The following CELF2 variants were observed in gnomAD, a reference collection of about 807,000 sequenced individuals.
CELF2 encodes the protein CUG triplet repeat RNA-binding protein 2.
Under a neutral mutation model 62.6 loss-of-function variants are expected in CELF2, and 8 were observed. The ratio of observed to expected loss-of-function variants is 0.13; its 90% CI spans 0.07 to 0.23. The LOEUF (loss-of-function observed/expected upper bound fraction) is 0.23, where lower values mean the gene tolerates loss of function less well. Among genes scored for constraint, CELF2 ranks in the 10% least tolerant of loss-of-function variants. The probability of loss-of-function intolerance (pLI) is 1.00; values close to 1 mark genes in which losing one functional copy is unlikely to be tolerated. For missense variants in CELF2, 333 were observed against 671.0 expected, an observed-to-expected ratio of 0.50 and a Z score of 5.56; for synonymous variants, 258 against 250.0, an observed-to-expected ratio of 1.03 and a Z score of -0.30.
At chr10:10,496,399 C>T in the CELF2 span, among the ~76,000 whole-genome samples, 2 of 152,264 alleles carry the variant, frequency 1.3e-5, no homozygotes, top group East Asian at 1.9e-4. Flanking sequence ...TTTCTTGCTG[C>T]ATGCCTGATC....
intron 1 of CELF2, among the ~76,000 whole-genome samples, chr10:10,859,327 C>T (rs2059926771): frequency 6.6e-6 from 1 of 152,050 alleles, no homozygotes; most frequent in African/African-American, 2.4e-5. Flanking sequence ...ACTTCTTAAT[C>T]AAAAGTGATT....
At chr10:11,284,109 CTGTG>C (rs779479619) in intron 8 of CELF2, among the ~76,000 whole-genome samples, 3 of 7,194 alleles carry the variant, frequency 4.2e-4, no homozygotes, top group Middle Eastern at 0.083. Flanking sequence ...TGATGGATGA[CTGTG>C]TGGTAGGTGG....
chr10:11,045,661 G>A (rs1218105808), intron 1 of CELF2, among the ~76,000 whole-genome samples: 1 of 152,212 alleles, frequency 6.6e-6, no homozygotes, highest in Non-Finnish European at 1.5e-5. Flanking sequence ...CTCAGGTAAA[G>A]AGTAGTAAAA....
the CELF2 span, among the ~76,000 whole-genome samples, chr10:10,660,320 A>G: frequency 2.6e-5 from 4 of 152,246 alleles, no homozygotes; most frequent in South Asian, 4.1e-4. Context: ...TGGAGGCTCA[A>G]AAAGGATAAG....
At chr10:10,552,017 CAG>C in the CELF2 span, among the ~76,000 whole-genome samples, 2 of 152,004 alleles carry the variant, frequency 1.3e-5, no homozygotes, top group Admixed American at 1.3e-4. Context: ...TGCAGAGCCC[CAG>C]AGAGGAGCAC....
the CELF2 span, among the ~76,000 whole-genome samples, chr10:10,791,352 G>A: frequency 2.0e-5 from 3 of 150,882 alleles, no homozygotes; most frequent in African/African-American, 7.3e-5. Context: ...CAAGAAACCA[G>A]TTGGAGCCGG....
chr10:10,820,567 G>C (rs1277240750), intron 1 of CELF2, among the ~76,000 whole-genome samples: 1 of 152,158 alleles, frequency 6.6e-6, no homozygotes, highest in Admixed American at 6.5e-5. Context: ...AAACAGTAGT[G>C]AGATAACACA....
intron 1 of CELF2, among the ~76,000 whole-genome samples, chr10:10,882,133 A>C (rs2061478541): frequency 6.6e-6 from 1 of 152,194 alleles, no homozygotes; most frequent in Non-Finnish European, 1.5e-5. Flanking sequence ...AATGGTTATC[A>C]ACATTGTTTA....
chr10:10,587,559 T>A, the CELF2 span, among the ~76,000 whole-genome samples: 1 of 152,138 alleles, frequency 6.6e-6, no homozygotes, highest in Non-Finnish European at 1.5e-5. Context: ...AAAAATAGAA[T>A]AACATAAAAT....
chr10:11,322,834 C>G (rs934710105), intron 11 of CELF2, among the ~76,000 whole-genome samples: 1 of 151,944 alleles, frequency 6.6e-6, no homozygotes, highest in African/African-American at 2.4e-5. Flanking sequence ...TGAAAGAGAC[C>G]CTACATCATA....
the CELF2 span, among the ~76,000 whole-genome samples, chr10:10,505,033 G>A: frequency 2.0e-5 from 3 of 151,962 alleles, no homozygotes; most frequent in East Asian, 1.9e-4. Flanking sequence ...TCAAGGTGTT[G>A]GCATCTATTG....
At chr10:11,281,251 T>C (rs918662642) in intron 8 of CELF2, among the ~76,000 whole-genome samples, 59 of 152,246 alleles carry the variant, frequency 3.9e-4, no homozygotes, top group African/African-American at 1.1e-3. Context: ...ACACATACTT[T>C]TTCATAAAAT....
the CELF2 span, among the ~76,000 whole-genome samples, chr10:10,745,133 C>CAA: frequency 2.5e-5 from 2 of 78,610 alleles, no homozygotes; most frequent in Non-Finnish European, 5.7e-5. Context: ...AAAAACAAAA[C>CAA]AAAAAAAAAC....
chr10:11,210,505 A>G (rs1195455980), intron 2 of CELF2, among the ~76,000 whole-genome samples: 1 of 152,216 alleles, frequency 6.6e-6, no homozygotes, highest in Non-Finnish European at 1.5e-5. Flanking sequence ...CTCAAGTTGT[A>G]TAGTTATTTT....
rs1384864740 is a variant in CELF2 at position 11,224,514 on chromosome 10, G to A, written c.354+7007G>A. Among the ~76,000 whole-genome samples the A allele has an allele frequency of 1.3e-5, 2 of 152,182 alleles. No homozygotes were observed. The highest frequency in any genetic ancestry group is 3.8e-4 in the East Asian group (2 of 5,198). Reference sequence around the variant, plus strand: ...AAAGGTTGATAGGATTTCAAAAGAAGATTGTGGGGGAGGCGGGGGATCCAT... The same window carrying A: ...AAAGGTTGATAGGATTTCAAAAGAAAATTGTGGGGGAGGCGGGGGATCCAT... On this transcript the variant is annotated intron_variant, in intron 3 of 12. Transcript: ENST00000633077. This position sits in a 1 kb window ranked among gnomAD's most constrained non-coding sequence, Gnocchi z 4.5.
At chr10:11,139,195 T>C (rs1333376580) in intron 1 of CELF2, among the ~76,000 whole-genome samples, 1 of 152,186 alleles carries the variant, frequency 6.6e-6, no homozygotes, top group East Asian at 1.9e-4. Context: ...TAAATAAATG[T>C]GGAGTTTATG....
Position 11,300,732 on chromosome 10 carries a change from C to T in CELF2, c.976+12180C>T, listed in dbSNP as rs940841281. 5.3e-5 allele frequency among the ~76,000 whole-genome samples: 8 copies of T among 152,252 alleles called. No individual in the cohort carries two copies. Among genetic ancestry groups the T allele is most frequent in the African/African-American group, 1.7e-4 (7 of 41,548 alleles). Reference sequence around the variant, plus strand: ...CCTACTTCCTCACAATCTTTTCCTGCGCAGTTGGAATTCCGCATCCAAGCT... The same window carrying T: ...CCTACTTCCTCACAATCTTTTCCTGTGCAGTTGGAATTCCGCATCCAAGCT... On this transcript the variant is annotated intron_variant, in intron 9 of 12. Coordinates refer to ENST00000633077, the MANE Select transcript of CELF2 (RefSeq NM_001326342.2). This position sits in a 1 kb window ranked among gnomAD's most constrained non-coding sequence, Gnocchi z 5.5.
rs1168932032 is a variant in CELF2 at position 11,086,578 on chromosome 10, TA to T, written c.74+68447del. Among the ~76,000 whole-genome samples the T allele has an allele frequency of 3.5e-3, 255 of 71,968 alleles. 1 individual carries two copies. The highest frequency in any genetic ancestry group is 0.016 in the East Asian group (20 of 1,264). 47.2% of individuals were successfully genotyped at this position (71,968 alleles called of 152,430 possible). A position where few individuals can be genotyped will look rare whatever the true frequency, so the allele number is the denominator to read the frequency against. On this transcript the variant is annotated intron_variant, in intron 1 of 12. Coordinates refer to ENST00000633077, the MANE Select transcript of CELF2 (RefSeq NM_001326342.2). Reference sequence around the variant, plus strand: ...AATCCATGTCTCCATTTGCATTTGTTAAAAAAAAAAAAAAAAAAAAAAAAAA... The same window carrying T: ...AATCCATGTCTCCATTTGCATTTGTTAAAAAAAAAAAAAAAAAAAAAAAAA...
At chr10:10,746,892 G>A in the CELF2 span, among the ~76,000 whole-genome samples, 1 of 152,146 alleles carries the variant, frequency 6.6e-6, no homozygotes, top group African/African-American at 2.4e-5. Flanking sequence ...GTTTTCCAAA[G>A]CATCACCTTT....
Sources: allele counts gnomAD v4.1 joint callset (sites outside exome capture counted in the v4.1 genomes callset), GRCh38; gene constraint gnomAD v4.1.1; non-coding constraint Gnocchi (gnomAD v3.1); transcripts MANE v1.5; gene names NCBI Gene and HGNC (gene_info 2026-07-23, HGNC 2026-07-21).